The following EXOC4 variants were observed in gnomAD, a reference collection of about 807,000 sequenced individuals.
The protein encoded by EXOC4 is SEC8-like 1.
In EXOC4, 71 loss-of-function variants were observed where a neutral mutation model predicts 107.2. The observed-to-expected ratio is 0.66, with a 90% confidence interval of 0.55 to 0.81. The LOEUF is 0.81. Among genes scored for constraint, EXOC4 ranks in the 30% least tolerant of loss-of-function variants. The probability of loss-of-function intolerance (pLI) is 0.00; values close to 1 mark genes in which losing one functional copy is unlikely to be tolerated. For synonymous variants in EXOC4, 456 were observed against 441.2 expected (o/e 1.03, Z -0.42); for missense variants, 1,108 against 1,189.6 (o/e 0.93, Z 1.01).
chr7:133,857,250 T>C (rs1166205872), intron 11 of EXOC4, among the ~76,000 whole-genome samples: 25 of 37,926 alleles, frequency 6.6e-4, no homozygotes, highest in Non-Finnish European at 7.1e-4. Context: ...GTCACATATA[T>C]ATATATATAT....
chr7:133,871,454 T>G (rs1286859325), intron 11 of EXOC4, among the ~76,000 whole-genome samples: 1 of 152,130 alleles, frequency 6.6e-6, no homozygotes, highest in Non-Finnish European at 1.5e-5. Context: ...CAATTACCAT[T>G]CATCTTAAAG....
At chr7:133,393,540 C>T (rs887296082) in intron 7 of EXOC4, among the ~76,000 whole-genome samples, 1 of 152,184 alleles carries the variant, frequency 6.6e-6, no homozygotes, top group Non-Finnish European at 1.5e-5. Context: ...GAAAGCCAGT[C>T]CCCAATGTGA....
intron 15 of EXOC4, among the ~76,000 whole-genome samples, chr7:133,998,262 T>C (rs1426002676): frequency 6.6e-6 from 1 of 152,226 alleles, no homozygotes; most frequent in Non-Finnish European, 1.5e-5. Context: ...AATCTGCACA[T>C]TTTGTACTTA....
intron 10 of EXOC4, among the ~76,000 whole-genome samples, chr7:133,747,375 A>G (rs1182325877): frequency 6.6e-6 from 1 of 152,172 alleles, no homozygotes; most frequent in Non-Finnish European, 1.5e-5. Context: ...AGTAGAAGGA[A>G]TAAATGGTAC....
chr7:133,603,587 C>A (rs933491763), intron 9 of EXOC4, among the ~76,000 whole-genome samples: 1 of 152,150 alleles, frequency 6.6e-6, no homozygotes, highest in East Asian at 1.9e-4. Flanking sequence ...ACATGCACAA[C>A]GTGTAGGCAA....
chr7:133,427,374 C>T (rs1797750878), intron 7 of EXOC4, among the ~76,000 whole-genome samples: 1 of 152,180 alleles, frequency 6.6e-6, no homozygotes, highest in Admixed American at 6.5e-5. Flanking sequence ...ACGTTTTCAT[C>T]AACAACTCTG....
At chr7:134,067,149 CAAAAAAAAAAAAAAA>C (rs10597442), downstream of EXOC4, among the ~76,000 whole-genome samples, 3 of 121,962 alleles carry the variant, frequency 2.5e-5, no homozygotes, top group Non-Finnish European at 3.5e-5. Flanking sequence ...CACTCTGTCT[CAAAAAAAAAAAAAAA>C]AAAAAAAAAA....
chr7:134,030,235 G>A (rs1212253865), intron 17 of EXOC4, among the ~76,000 whole-genome samples: 1 of 152,184 alleles, frequency 6.6e-6, no homozygotes, highest in Non-Finnish European at 1.5e-5. Flanking sequence ...ATATACCCAA[G>A]AGAAATGAAA....
At chr7:133,999,149 CATTCTATTCTGT>C (rs1380463769) in intron 15 of EXOC4, among the ~76,000 whole-genome samples, 2 of 152,146 alleles carry the variant, frequency 1.3e-5, no homozygotes, top group African/African-American at 4.8e-5. Flanking sequence ...TGTGGTAATA[CATTCTATTCTGT>C]ATTGCTTTGG....
intron 3 of EXOC4, among the ~76,000 whole-genome samples, chr7:133,295,305 A>G (rs1163241529): frequency 6.6e-6 from 1 of 152,076 alleles, no homozygotes; most frequent in Non-Finnish European, 1.5e-5. Context: ...TCAGAAAGCA[A>G]TTCTAGTCTT....
intron 14 of EXOC4, among the ~76,000 whole-genome samples, chr7:133,957,843 T>C (rs1367027753): frequency 4.6e-5 from 7 of 152,190 alleles, no homozygotes; most frequent in African/African-American, 1.7e-4. Context: ...CATGTTGCAA[T>C]CTCCTTAATT....
chr7:134,011,194 C>A (rs993043538), intron 17 of EXOC4, among the ~76,000 whole-genome samples: 2 of 152,140 alleles, frequency 1.3e-5, no homozygotes, highest in Non-Finnish European at 2.9e-5. Flanking sequence ...CTTGAGCTGT[C>A]ATGCACCTTT....
At chr7:134,069,222 C>CCTTCTT (rs372042852), downstream of EXOC4, among the ~76,000 whole-genome samples, 473 of 149,672 alleles carry the variant, frequency 3.2e-3, 5 homozygotes, top group African/African-American at 0.012. Context: ...TTCTTCTTCT[C>CCTTCTT]CTTCTTCTTC....
At chr7:133,925,547 G>C (rs1800031992) in intron 13 of EXOC4, among the ~76,000 whole-genome samples, 1 of 152,080 alleles carries the variant, frequency 6.6e-6, no homozygotes, top group Non-Finnish European at 1.5e-5. Flanking sequence ...GAGCTAGGGA[G>C]GCCATGTGTA....
intron 10 of EXOC4, among the ~76,000 whole-genome samples, chr7:133,687,677 A>G (rs951563867): frequency 2.3e-4 from 35 of 152,140 alleles, no homozygotes; most frequent in African/African-American, 8.2e-4. Context: ...AGTAATCACC[A>G]TCTCAGTGAC....
chr7:133,606,517 ATT>A (rs56086076), intron 9 of EXOC4, among the ~76,000 whole-genome samples: 3 of 136,924 alleles, frequency 2.2e-5, no homozygotes, highest in Non-Finnish European at 3.0e-5. Flanking sequence ...TATTATTATT[ATT>A]TTTTTTTTTT....
chr7:133,625,221 G>A (rs1351240455), intron 9 of EXOC4, among the ~76,000 whole-genome samples: 1 of 152,098 alleles, frequency 6.6e-6, no homozygotes, highest in Non-Finnish European at 1.5e-5. Flanking sequence ...TTCTGTGTTT[G>A]GCAATTCTAA....
At chr7:133,654,506 A>G (rs572921285) in intron 10 of EXOC4, among the ~76,000 whole-genome samples, 3 of 152,168 alleles carry the variant, frequency 2.0e-5, no homozygotes, top group Non-Finnish European at 4.4e-5. Context: ...CGAAAAATGG[A>G]TGGTTAAATG....
chr7:133,777,960 C>T (rs1352745684), intron 10 of EXOC4, among the ~76,000 whole-genome samples: 1 of 152,174 alleles, frequency 6.6e-6, no homozygotes, highest in Non-Finnish European at 1.5e-5. Flanking sequence ...ATCATCTCTG[C>T]ATCTCTGTGC....
Sources: gnomAD v4.1 joint callset for allele counts (sites outside exome capture counted in the v4.1 genomes callset) on GRCh38, gnomAD v4.1.1 for gene constraint, MANE v1.5 for transcripts, NCBI Gene and HGNC (gene_info 2026-07-23, HGNC 2026-07-21) for gene names.